The following SIPA1L2 variants were observed in gnomAD, a reference collection of about 807,000 sequenced individuals.
The protein encoded by SIPA1L2 is signal-induced proliferation-associated 1-like protein 2.
A neutral mutation model predicts 163.9 loss-of-function variants in SIPA1L2; 56 were observed. The observed-to-expected ratio is 0.34, with a 90% CI of 0.28 to 0.43. The LOEUF (loss-of-function observed/expected upper bound fraction) is 0.43, where lower values mean the gene tolerates loss of function less well. Among genes scored for constraint, SIPA1L2 ranks in the 20% least tolerant of loss-of-function variants. The pLI is 1.00. For missense variants in SIPA1L2, 1,974 were observed against 2,193.5 expected, an observed-to-expected ratio of 0.90 and a Z score of 2.00; for synonymous variants, 877 against 865.7, an observed-to-expected ratio of 1.01 and a Z score of -0.23.
At chr1:232,485,440 A>C (rs1285966215) in intron 5 of SIPA1L2, among the ~76,000 whole-genome samples, 1 of 152,214 alleles carries the variant, frequency 6.6e-6, no homozygotes, top group Non-Finnish European at 1.5e-5. Context: ...ATTTGTATTC[A>C]CCCAGAGATT....
At chr1:232,620,430 A>G (rs1662741601) in intron 1 of SIPA1L2, among the ~76,000 whole-genome samples, 1 of 152,216 alleles carries the variant, frequency 6.6e-6, no homozygotes, top group African/African-American at 2.4e-5. Context: ...GGAATAACAA[A>G]GAGCGTAGTA....
chr1:232,412,162 A>G (rs1296382599), intron 19 of SIPA1L2, among the ~76,000 whole-genome samples: 4 of 152,338 alleles, frequency 2.6e-5, no homozygotes, highest in East Asian at 1.9e-4. Context: ...CTCGCATCCA[A>G]TGTCAACTTT....
At chr1:232,555,367 C>G (rs978565199) in intron 2 of SIPA1L2, among the ~76,000 whole-genome samples, 1 of 152,192 alleles carries the variant, frequency 6.6e-6, no homozygotes, top group Non-Finnish European at 1.5e-5. Context: ...CCTGGAGCAG[C>G]ATAACCCCAC....
At chr1:232,451,481 A>G (rs1184039161) in intron 10 of SIPA1L2, among the ~76,000 whole-genome samples, 2 of 152,202 alleles carry the variant, frequency 1.3e-5, no homozygotes, top group African/African-American at 4.8e-5. Context: ...AGGCTAACTG[A>G]AACCCGAACA....
At position 232,590,735 on chromosome 1, in the gene SIPA1L2, T is replaced by C. The variant is rs568698517; in HGVS notation, c.-318-16513A>G. On this transcript the variant is annotated intron_variant, in intron 1 of 22. Coordinates refer to ENST00000674635, the MANE Select transcript of SIPA1L2 (RefSeq NM_020808.5). ...AAAAACAAAAAAAGGAAAAAAAAAA[T>C]TGTCCTGCAGTGAAAGAATATGAGA... is the stretch of plus-strand genomic sequence containing the variant. 4.7e-5 allele frequency among the ~76,000 whole-genome samples: 7 copies of C among 147,830 alleles called. No individual in the cohort carries two copies. The South Asian group carries it at 1.1e-3, about 23-fold the overall frequency.
chr1:232,576,695 C>G (rs561370983), intron 1 of SIPA1L2, among the ~76,000 whole-genome samples: 3 of 152,280 alleles, frequency 2.0e-5, no homozygotes, highest in South Asian at 2.1e-4. Flanking sequence ...GCCAAACAGC[C>G]AAGTCGCGAA....
chr1:232,405,621 A>G (rs1419478631), intron 19 of SIPA1L2, among the ~76,000 whole-genome samples: 1 of 152,198 alleles, frequency 6.6e-6, no homozygotes, highest in Non-Finnish European at 1.5e-5. Flanking sequence ...AGCCCAGAAT[A>G]TGGGAACACA....
chr1:232,415,729 G>C, intron 18 of SIPA1L2, 104 bp from the exon 19 acceptor site: 2 of 1,506,358 alleles, frequency 1.3e-6, no homozygotes, highest in Non-Finnish European at 1.8e-6. Context: ...GAGTCAGTCA[G>C]TCAGAACACG....
At chr1:232,459,146 C>T (rs1005826064) in intron 10 of SIPA1L2, among the ~76,000 whole-genome samples, 2 of 152,146 alleles carry the variant, frequency 1.3e-5, no homozygotes, top group South Asian at 4.1e-4. Context: ...GTGTAAGTGG[C>T]TTTTTTTCCT....
rs766968552 is a variant in SIPA1L2, at chr1:232,425,708, G to A, written c.4511C>T (p.Ser1504Phe). ...SNRRGSSFGS[S>F]RSSVLDQALP... Reference sequence around the variant, plus strand: ...GGCCTGGTCAAGCACGGAACTCCGGGAACTGCCAAAGGAGGACCCCCTCCT... The same window carrying A: ...GGCCTGGTCAAGCACGGAACTCCGGAAACTGCCAAAGGAGGACCCCCTCCT... The change falls in exon 18 of 23, where the codon TCC (serine) becomes TTC (phenylalanine). Residue 1504 changes from serine (S) to phenylalanine (F), a missense_variant. By Grantham distance (155) the Ser-to-Phe change is radical (BLOSUM62 -2). Transcript: ENST00000674635. 1 of 1,614,058 alleles carries A rather than the reference G, an allele frequency of 6.2e-7. No homozygotes were observed. The highest frequency in any genetic ancestry group is 2.2e-5 in the East Asian group (1 of 44,874).
At chr1:232,457,638 A>G (rs1042877097) in intron 10 of SIPA1L2, among the ~76,000 whole-genome samples, 7 of 152,220 alleles carry the variant, frequency 4.6e-5, no homozygotes, top group Non-Finnish European at 1.5e-5. Flanking sequence ...GTGTTGCTAT[A>G]TGGTTAACAG....
rs12049615 is a variant in SIPA1L2 at position 232,421,148 on chromosome 1, G to A, written c.4630+4441C>T. ...CTGAAAGCATTTTTTGGGCACAGTTGGGTAGATGCCATCCTACCTCACTTC... is the reference window on the plus strand; with the variant it reads ...CTGAAAGCATTTTTTGGGCACAGTTAGGTAGATGCCATCCTACCTCACTTC... On this transcript the variant is annotated intron_variant, in intron 18 of 22. Transcript: ENST00000674635. Among the ~76,000 whole-genome samples the A allele has an allele frequency of 0.036, 5,541 of 152,204 alleles. 594 individuals carry two copies. In the East Asian group the frequency reaches 0.42, roughly 11 times the overall value.
At chr1:232,537,971 A>G (rs1295184253) in intron 2 of SIPA1L2, among the ~76,000 whole-genome samples, 3 of 152,316 alleles carry the variant, frequency 2.0e-5, no homozygotes, top group Admixed American at 6.5e-5. Context: ...GACAAAAATA[A>G]CCTAAGTGTA....
chr1:232,449,434 C>A (rs1011047883), intron 10 of SIPA1L2, among the ~76,000 whole-genome samples: 17 of 150,016 alleles, frequency 1.1e-4, no homozygotes, highest in African/African-American at 4.2e-4. Flanking sequence ...AGGAGAATGG[C>A]GTGAACCCAA....
chr1:232,515,156 C>A lies in SIPA1L2; in HGVS notation c.184G>T (p.Gly62Cys). 6.2e-7 allele frequency: 1 copy of A among 1,614,040 alleles called. No individual in the cohort carries two copies. The highest frequency in any genetic ancestry group is 8.5e-7 in the Non-Finnish European group (1 of 1,179,920). The change falls in exon 3 of 23, where the codon GGT (glycine) becomes TGT (cysteine). Residue 62 changes from glycine to cysteine, a missense_variant. By Grantham distance (159) the Gly-to-Cys change is radical (BLOSUM62 -3). Coordinates refer to ENST00000674635, the MANE Select transcript of SIPA1L2 (RefSeq NM_020808.5). ...GCTGGGGTACCATTAGCCGGACCAC[C>A]ACCGCCAGTCTCATTGGAATTCGAG... is the stretch of plus-strand genomic sequence containing the variant. ...NASNSNETGG[G>C]GPANGTPAVP... is the part of the protein sequence containing the mutation.
intron 2 of SIPA1L2, among the ~76,000 whole-genome samples, chr1:232,545,074 G>A (rs1356059828): frequency 6.6e-6 from 1 of 152,118 alleles, no homozygotes; most frequent in South Asian, 2.1e-4. Context: ...AGTACCAGAG[G>A]AGCCAACCTC....
chr1:232,571,411 T>C (rs1016201684), intron 2 of SIPA1L2, among the ~76,000 whole-genome samples: 6 of 152,248 alleles, frequency 3.9e-5, no homozygotes, highest in African/African-American at 1.2e-4. Flanking sequence ...AAAAGTCTGT[T>C]GACAGTGATT....
Position 232,514,940 on chromosome 1 carries a change from A to C in SIPA1L2, c.400T>G (p.Phe134Val). The C allele has an allele frequency of 6.2e-7, 1 of 1,614,158 alleles. No individual in the cohort carries two copies. ...GQQDEQLDLDFVEAKYTIGDI... is the reference protein window; with the variant it reads ...GQQDEQLDLDVVEAKYTIGDI... The stretch of plus-strand genomic sequence containing the variant: ...CCGATTGTGTACTTGGCCTCCACGA[A>C]GTCCAGATCGAGCTGTTCATCTTGC... Residue 134 changes from phenylalanine to valine, a missense_variant, in exon 3 of 23, where the codon TTC (phenylalanine) becomes GTC (valine). Phe to Val is a conservative substitution (Grantham distance 50). Coordinates refer to ENST00000674635, the MANE Select transcript of SIPA1L2 (RefSeq NM_020808.5).
At chr1:232,492,207 A>G (rs988618558) in intron 4 of SIPA1L2, among the ~76,000 whole-genome samples, 2 of 152,170 alleles carry the variant, frequency 1.3e-5, no homozygotes, top group Admixed American at 6.6e-5. Flanking sequence ...GGAAACTAGA[A>G]AAGGGCTCTG....
Sources: gnomAD v4.1 joint callset for allele counts (sites outside exome capture counted in the v4.1 genomes callset) on GRCh38, gnomAD v4.1.1 for gene constraint, MANE v1.5 for transcripts, NCBI Gene and HGNC (gene_info 2026-07-23, HGNC 2026-07-21) for gene names.